Variants in ESRRB observed in about 807,000 individuals in gnomAD.
The protein encoded by ESRRB is steroid hormone receptor ERR2.
Under a neutral mutation model 46.0 loss-of-function variants are expected in ESRRB, and 16 were observed. That is an observed-to-expected ratio of 0.35 (90% CI 0.24 to 0.53). The LOEUF (loss-of-function observed/expected upper bound fraction) is 0.53. ESRRB is among the 20% of genes least tolerant of loss of function. ESRRB has a pLI of 0.93. For missense variants in ESRRB, 488 were observed against 607.4 expected (o/e 0.80, Z 2.07); for synonymous variants, 246 against 259.6 (o/e 0.95, Z 0.50).
Position 76,498,818 on chromosome 14 carries a change from T to C in ESRRB, c.*360T>C, listed in dbSNP as rs779416089. The C allele has an allele frequency of 5.3e-6, 3 of 570,870 alleles. No homozygotes were observed. In the African/African-American group the frequency reaches 5.6e-5, roughly 11 times the overall value. 35.4% of individuals were successfully genotyped at this position (570,870 alleles called of 1,614,324 possible). On this transcript the variant is annotated 3_prime_UTR_variant, in exon 7 of 7. Transcript: ENST00000644823. Reference sequence around the variant, plus strand: ...GAGCCACCAAGAGGCAGCATGTGCATTTCCTAACTCCCTTGCCCCCTCCCC... The same window carrying C: ...GAGCCACCAAGAGGCAGCATGTGCACTTCCTAACTCCCTTGCCCCCTCCCC...
intron 1 of ESRRB, among the ~76,000 whole-genome samples, chr14:76,386,646 G>C (rs1479461998): frequency 6.6e-6 from 1 of 151,878 alleles, no homozygotes; most frequent in Non-Finnish European, 1.5e-5. Flanking sequence ...ATTTTTAGTA[G>C]AGACGGGGTT....
At chr14:76,325,792 G>C (rs1311296414) in intron 1 of ESRRB, among the ~76,000 whole-genome samples, 1 of 152,220 alleles carries the variant, frequency 6.6e-6, no homozygotes, top group Admixed American at 6.5e-5. Flanking sequence ...TGAAGGGGGA[G>C]GTCAGGGCCA....
At chr14:76,489,622 T>C (rs189481715) in intron 5 of ESRRB, among the ~76,000 whole-genome samples, 100 of 152,308 alleles carry the variant, frequency 6.6e-4, no homozygotes, top group Non-Finnish European at 2.4e-4. Flanking sequence ...CCAAGTTGTA[T>C]AGATCAGTCT....
chr14:76,494,209 A>G (rs565919419), intron 6 of ESRRB, among the ~76,000 whole-genome samples: 13 of 152,214 alleles, frequency 8.5e-5, no homozygotes, highest in Non-Finnish European at 1.3e-4. Flanking sequence ...ACGTCCACAG[A>G]GAATATTTAC....
intron 1 of ESRRB, among the ~76,000 whole-genome samples, chr14:76,314,390 G>T (rs916289046): frequency 6.6e-6 from 1 of 152,124 alleles, no homozygotes; most frequent in Non-Finnish European, 1.5e-5. Context: ...TCCCCAGATC[G>T]CTTCTCCTGC....
chr14:76,319,228 A>G (rs1006227238), intron 1 of ESRRB, among the ~76,000 whole-genome samples: 1 of 152,258 alleles, frequency 6.6e-6, no homozygotes, highest in Non-Finnish European at 1.5e-5. Context: ...TTCCCTGCGT[A>G]GCATAGCTAA....
Position 76,492,085 on chromosome 14 carries a change from A to T in ESRRB, c.1120+369A>T, listed in dbSNP as rs144824279. On this transcript the variant is annotated intron_variant, in intron 6 of 6. Transcript: ENST00000644823. ...AGGGCAGCCAAACAGTCCCTACTCT[A>T]CAAGGCTATTGACAGGATTTCTTTA... 3.0e-3 allele frequency among the ~76,000 whole-genome samples: 458 copies of T among 152,344 alleles called. 2 individuals are homozygous for T. The highest frequency in any genetic ancestry group is 0.01 in the African/African-American group (422 of 41,586).
chr14:76,376,401 G>A lies in ESRRB; in HGVS notation c.-1G>A, dbSNP rs748204177. The stretch of plus-strand genomic sequence containing the variant: ...CAACTGGGAATGCTAAAACGGGACT[G>A]ATGGACGTGTCCGAACTCTGCATCC... On this transcript the variant is annotated 5_prime_UTR_variant, in exon 1 of 7. Coordinates refer to ENST00000644823, the MANE Select transcript of ESRRB (RefSeq NM_001379180.1). This position sits in a 1 kb window ranked among gnomAD's most constrained non-coding sequence, Gnocchi z 4.1. 6 of 1,231,736 alleles carry A rather than the reference G, an allele frequency of 4.9e-6. No individual in the cohort carries two copies. Among genetic ancestry groups the A allele is most frequent in the Non-Finnish European group, 6.1e-6 (6 of 987,996 alleles). The allele number at this position is 1,231,736 out of a possible 1,614,324, so 76.3% of individuals were successfully genotyped here.
chr14:76,353,791 A>C (rs1259658960), intron 1 of ESRRB, among the ~76,000 whole-genome samples: 1 of 151,934 alleles, frequency 6.6e-6, no homozygotes, highest in Non-Finnish European at 1.5e-5. Flanking sequence ...ATGTCTCACT[A>C]TGTTAGTTAC....
intron 1 of ESRRB, among the ~76,000 whole-genome samples, chr14:76,350,121 G>C (rs1286027989): frequency 6.6e-6 from 1 of 152,036 alleles, no homozygotes; most frequent in Non-Finnish European, 1.5e-5. Context: ...TCCCATCCTG[G>C]GGGAGGTTCC....
At position 76,406,581 on chromosome 14, in the gene ESRRB, T is replaced by C. The variant is rs10138724; in HGVS notation, c.50+30130T>C. Among the ~76,000 whole-genome samples the C allele has an allele frequency of 7.9e-3, 1,209 of 152,092 alleles. 15 individuals carry two copies. Among genetic ancestry groups the C allele is most frequent in the African/African-American group, 0.028 (1,151 of 41,480 alleles). ...CAACATAGTGAAACCCCGTCTCTACTAAAAATACAAAAAACTAGCCAGGTA... is the reference window on the plus strand; with the variant it reads ...CAACATAGTGAAACCCCGTCTCTACCAAAAATACAAAAAACTAGCCAGGTA... On this transcript the variant is annotated intron_variant, in intron 1 of 6. Coordinates refer to ENST00000644823, the MANE Select transcript of ESRRB (RefSeq NM_001379180.1).
intron 1 of ESRRB, among the ~76,000 whole-genome samples, chr14:76,433,961 C>CTT (rs1887559452): frequency 8.1e-6 from 1 of 123,618 alleles, no homozygotes; most frequent in Admixed American, 8.8e-5. Flanking sequence ...CCTGCCTTTA[C>CTT]ATTTTTTTTT....
At chr14:76,327,634 T>C (rs1413237428) in intron 1 of ESRRB, among the ~76,000 whole-genome samples, 1 of 152,138 alleles carries the variant, frequency 6.6e-6, no homozygotes, top group African/African-American at 2.4e-5. Flanking sequence ...ATGAGTAGCC[T>C]ATGGCTTACG....
chr14:76,407,877 T>C (rs78451809), intron 1 of ESRRB, among the ~76,000 whole-genome samples: 2,644 of 152,282 alleles, frequency 0.017, 74 homozygotes, highest in African/African-American at 0.061. Flanking sequence ...TCAGCCTAAT[T>C]TGCTTGTGCC....
At chr14:76,422,546 T>C (rs117092224) in intron 1 of ESRRB, among the ~76,000 whole-genome samples, 1,581 of 152,230 alleles carry the variant, frequency 0.01, 16 homozygotes, top group Non-Finnish European at 0.015. Flanking sequence ...ACAGAGGAGA[T>C]GACTGAGAAC....
chr14:76,316,801 A>G, intron 1 of ESRRB, among the ~76,000 whole-genome samples: 1 of 152,148 alleles, frequency 6.6e-6, no homozygotes, highest in Non-Finnish European at 1.5e-5. Context: ...CTTCCCAGGA[A>G]TTTTATTCTG....
intron 1 of ESRRB, among the ~76,000 whole-genome samples, chr14:76,432,995 C>G (rs116954337): frequency 4.6e-5 from 7 of 152,158 alleles, no homozygotes; most frequent in Non-Finnish European, 1.0e-4. Context: ...CAAACTCTTA[C>G]AAGATCCTCT....
intron 3 of ESRRB, among the ~76,000 whole-genome samples, chr14:76,464,530 T>G (rs1297077269): frequency 1.3e-5 from 2 of 152,202 alleles, no homozygotes; most frequent in Non-Finnish European, 2.9e-5. Context: ...CATGGCACAC[T>G]GGCTTTTAAA....
chr14:76,434,471 C>T (rs1335706077), intron 1 of ESRRB, among the ~76,000 whole-genome samples: 10 of 151,948 alleles, frequency 6.6e-5, no homozygotes, highest in South Asian at 2.1e-4. Context: ...GCTAGCATAG[C>T]GAACCCCTGT....
Sources: gnomAD v4.1 joint callset for allele counts (sites outside exome capture counted in the v4.1 genomes callset) on GRCh38, gnomAD v4.1.1 for gene constraint, Gnocchi (gnomAD v3.1) non-coding constraint, MANE v1.5 for transcripts, NCBI Gene and HGNC (gene_info 2026-07-23, HGNC 2026-07-21) for gene names.